Variants in PLSCR4 observed in about 807,000 individuals in gnomAD.
The protein encoded by PLSCR4 is phospholipid scramblase 4, also known as Ca(2+)-dependent phospholipid scramblase 4.
Under a neutral mutation model 36.3 loss-of-function variants are expected in PLSCR4, and 25 were observed. The ratio of observed to expected loss-of-function variants is 0.69; its 90% CI spans 0.50 to 0.96. The LOEUF (loss-of-function observed/expected upper bound fraction) is 0.96. Among genes scored for constraint, PLSCR4 ranks in the 40% least tolerant of loss-of-function variants. PLSCR4 has a pLI of 0.00. For missense variants in PLSCR4, 408 were observed against 414.7 expected (o/e 0.98, Z 0.14); for synonymous variants, 122 against 132.9 (o/e 0.92, Z 0.56).
At chr3:146,228,236 C>T (rs2035559872) in intron 1 of PLSCR4, among the ~76,000 whole-genome samples, 1 of 152,170 alleles carries the variant, frequency 6.6e-6, no homozygotes, top group South Asian at 2.1e-4. Context: ...TACTATTTCA[C>T]TAGTAAGACA....
At chr3:146,250,321 G>C (rs1013474419) in intron 1 of PLSCR4, among the ~76,000 whole-genome samples, 1 of 152,032 alleles carries the variant, frequency 6.6e-6, no homozygotes, top group African/African-American at 2.4e-5. Flanking sequence ...TACTTATTTT[G>C]GTGGCTCCAT....
intron 1 of PLSCR4, among the ~76,000 whole-genome samples, chr3:146,226,407 T>C (rs954031729): frequency 2.0e-5 from 3 of 152,134 alleles, no homozygotes; most frequent in Admixed American, 2.0e-4. Context: ...GGAGCCAGAG[T>C]GGAAACTAAT....
intron 1 of PLSCR4, among the ~76,000 whole-genome samples, chr3:146,235,814 T>C (rs930414644): frequency 2.6e-5 from 4 of 152,178 alleles, no homozygotes; most frequent in African/African-American, 7.2e-5. Context: ...AGACTTCTTA[T>C]TGGCAACTAG....
intron 1 of PLSCR4, among the ~76,000 whole-genome samples, chr3:146,225,504 C>T (rs1373520316): frequency 1.3e-5 from 2 of 152,106 alleles, no homozygotes; most frequent in Non-Finnish European, 2.9e-5. Context: ...CGGGGAGGCT[C>T]GGGCCGCACA....
intron 1 of PLSCR4, among the ~76,000 whole-genome samples, chr3:146,247,396 TAA>T (rs35090091): frequency 1.3e-4 from 20 of 149,428 alleles, no homozygotes; most frequent in Middle Eastern, 3.4e-3. Context: ...ATCTGATATA[TAA>T]AAAAAAAAAA....
chr3:146,248,099 GT>G (rs2036412466), intron 1 of PLSCR4, among the ~76,000 whole-genome samples: 1 of 152,076 alleles, frequency 6.6e-6, no homozygotes, highest in Non-Finnish European at 1.5e-5. Flanking sequence ...AAGTTAACTG[GT>G]TGTGAAATCC....
chr3:146,236,000 T>A (rs1244983463), intron 1 of PLSCR4, among the ~76,000 whole-genome samples: 1 of 151,980 alleles, frequency 6.6e-6, no homozygotes, highest in Non-Finnish European at 1.5e-5. Flanking sequence ...TGCTCATACG[T>A]GTGAGCAAAG....
At chr3:146,206,483 G>A (rs745562937) in intron 4 of PLSCR4, 43 bp downstream of exon 4, 2 of 1,422,106 alleles carry the variant, frequency 1.4e-6, no homozygotes, top group Non-Finnish European at 2.0e-6. Flanking sequence ...GGATCCCTAT[G>A]GTCACATTTC....
chr3:146,250,555 A>G (rs2036505249), intron 1 of PLSCR4: 1 of 152,102 alleles, frequency 6.6e-6, no homozygotes, highest in South Asian at 2.1e-4. Flanking sequence ...TAGCGTTTTT[A>G]CCTGCGAGTG....
chr3:146,212,612 T>G (rs535449671), intron 3 of PLSCR4, among the ~76,000 whole-genome samples: 104 of 152,164 alleles, frequency 6.8e-4, no homozygotes, highest in African/African-American at 2.4e-3. Flanking sequence ...AGTGTACCAC[T>G]GCACCCAGCT....
intron 4 of PLSCR4, 58 bp downstream of exon 4, chr3:146,206,466 CTT>C: frequency 7.8e-7 from 1 of 1,278,512 alleles, no homozygotes; most frequent in Non-Finnish European, 1.1e-6. Context: ...TTTTTTCTCT[CTT>C]TGTTGGATCC....
chr3:146,198,598 G>A (rs1308402536), intron 6 of PLSCR4, among the ~76,000 whole-genome samples: 4 of 151,798 alleles, frequency 2.6e-5, no homozygotes, highest in African/African-American at 4.8e-5. Context: ...GTAGAGATGG[G>A]GTTTTACCAT....
chr3:146,213,267 T>C (rs1179267028), intron 3 of PLSCR4, among the ~76,000 whole-genome samples: 1 of 152,112 alleles, frequency 6.6e-6, no homozygotes, highest in Non-Finnish European at 1.5e-5. Flanking sequence ...CATTCTTCTT[T>C]CATTTCTATG....
chr3:146,238,871 T>C (rs955968076), intron 1 of PLSCR4, among the ~76,000 whole-genome samples: 2 of 152,148 alleles, frequency 1.3e-5, no homozygotes, highest in African/African-American at 4.8e-5. Flanking sequence ...TCAAAGTTTC[T>C]AAGGAATTCA....
At chr3:146,221,202 G>A (rs9854377) in intron 2 of PLSCR4, among the ~76,000 whole-genome samples, 53,101 of 151,944 alleles carry the variant, frequency 0.35, 9,362 homozygotes, top group Admixed American at 0.38. Context: ...CAACTGCCCC[G>A]ATGCTAACTC....
chr3:146,199,932 G>A lies in PLSCR4; in HGVS notation c.505C>T (p.Arg169Trp), dbSNP rs772667172. The change falls in exon 6 of 9, where the codon CGG becomes TGG. Residue 169 changes from arginine (R) to tryptophan (W), a missense_variant. By Grantham distance (101) the Arg-to-Trp change is moderately radical. Transcript: ENST00000354952. Reference protein sequence around the residue: ...DTDDFTRNAYRTLRPFVLRVT... With the variant: ...DTDDFTRNAYWTLRPFVLRVT... ...CGGAGGACGAAGGGCCTTAGTGTCC[G>A]ATAGGCATTCCTGGTAAAGTCATCT... 10 of 1,613,232 alleles carry A rather than the reference G, an allele frequency of 6.2e-6. No individual in the cohort carries two copies. The highest frequency in any genetic ancestry group is 5.5e-5 in the South Asian group (5 of 91,060).
intron 1 of PLSCR4, among the ~76,000 whole-genome samples, chr3:146,231,627 T>C (rs920928816): frequency 2.0e-5 from 3 of 152,254 alleles, no homozygotes; most frequent in Non-Finnish European, 4.4e-5. Flanking sequence ...CTGACCCTGT[T>C]TTCTTATGCC....
intron 3 of PLSCR4, among the ~76,000 whole-genome samples, chr3:146,207,845 T>C (rs191948637): frequency 6.6e-6 from 1 of 152,072 alleles, no homozygotes; most frequent in East Asian, 1.9e-4. Flanking sequence ...CAAGATTTTA[T>C]CATGCTTTAA....
Position 146,192,715 on chromosome 3 carries a change from A to G in PLSCR4, c.*1696T>C, listed in dbSNP as rs1033090314. The G allele has an allele frequency of 1.3e-5, 2 of 152,050 alleles. No individual in the cohort carries two copies. Among genetic ancestry groups the G allele is most frequent in the African/African-American group, 4.8e-5 (2 of 41,434 alleles). 9.4% of individuals were successfully genotyped at this position (152,050 alleles called of 1,614,324 possible). ...ATTGTTTGTCTGATTTCCTATTTAAATATCAGACATCATTATAGGAAATAC... is the reference window on the plus strand; with the variant it reads ...ATTGTTTGTCTGATTTCCTATTTAAGTATCAGACATCATTATAGGAAATAC... On this transcript the variant is annotated 3_prime_UTR_variant, in exon 9 of 9. Transcript: ENST00000354952.
Sources: allele counts gnomAD v4.1 joint callset (sites outside exome capture counted in the v4.1 genomes callset), GRCh38; gene constraint gnomAD v4.1.1; transcripts MANE v1.5; gene names NCBI Gene and HGNC (gene_info 2026-07-23, HGNC 2026-07-21).